Variants in LRP1B observed in about 807,000 individuals in gnomAD.
LRP1B encodes LDL receptor related protein 1B.
LRP1B carries 217 observed loss-of-function variants against 556.6 expected under a neutral mutation model. That is an observed-to-expected ratio of 0.39 (90% CI 0.35 to 0.44). The LOEUF (loss-of-function observed/expected upper bound fraction) is 0.44, where lower values mean the gene tolerates loss of function less well. Among genes scored for constraint, LRP1B ranks in the 20% least tolerant of loss-of-function variants. The pLI, the probability that LRP1B is intolerant of heterozygous loss-of-function variation, is 1.00. For synonymous variants in LRP1B, 2,047 were observed against 1,865.8 expected (o/e 1.10, Z -2.50); for missense variants, 5,053 against 5,620.8 (o/e 0.90, Z 3.23).
chr2:140,634,468 C>T (rs1453474379), intron 41 of LRP1B, among the ~76,000 whole-genome samples: 3 of 152,064 alleles, frequency 2.0e-5, no homozygotes, highest in Non-Finnish European at 4.4e-5. Context: ...CTCAGGGAGA[C>T]GAAGCATAAC....
chr2:140,787,558 ATTTTTTT>A (rs756825067), intron 32 of LRP1B, among the ~76,000 whole-genome samples: 17 of 44,660 alleles, frequency 3.8e-4, no homozygotes, highest in Admixed American at 1.3e-3. Context: ...AAAACAGAAG[ATTTTTTT>A]TTTTTTTTTT....
chr2:142,100,046 A>C (rs568607222), intron 1 of LRP1B, among the ~76,000 whole-genome samples: 15 of 152,094 alleles, frequency 9.9e-5, no homozygotes, highest in African/African-American at 3.6e-4. Flanking sequence ...CAAACAATGC[A>C]AATGTTGCCA....
chr2:141,922,844 A>T (rs1292455713), intron 1 of LRP1B, among the ~76,000 whole-genome samples: 2 of 152,144 alleles, frequency 1.3e-5, no homozygotes, highest in African/African-American at 4.8e-5. Flanking sequence ...TCCTGCCTGT[A>T]ATTTCAGCCC....
At chr2:141,554,007 A>G (rs1031246594) in intron 2 of LRP1B, among the ~76,000 whole-genome samples, 4 of 140,560 alleles carry the variant, frequency 2.8e-5, no homozygotes, top group East Asian at 2.1e-4. Flanking sequence ...ATATATATCT[A>G]TATTAATAGA....
intron 41 of LRP1B, among the ~76,000 whole-genome samples, chr2:140,671,847 A>G (rs902896286): frequency 1.3e-5 from 2 of 152,186 alleles, no homozygotes; most frequent in African/African-American, 4.8e-5. Context: ...GGGAGCCATC[A>G]TTTGAACTAA....
intron 1 of LRP1B, among the ~76,000 whole-genome samples, chr2:141,827,935 G>A (rs1696991580): frequency 1.3e-5 from 2 of 151,854 alleles, no homozygotes; most frequent in African/African-American, 2.4e-5. Context: ...ATGCCACACA[G>A]AAGAAATTCT....
intron 7 of LRP1B, among the ~76,000 whole-genome samples, chr2:141,154,732 A>G (rs1702023102): frequency 6.6e-6 from 1 of 151,870 alleles, no homozygotes; most frequent in African/African-American, 2.4e-5. Context: ...CTAATTCTGA[A>G]TTTTCACTAA....
intron 86 of LRP1B, among the ~76,000 whole-genome samples, chr2:140,257,041 TATG>T (rs1446334634): frequency 5.3e-5 from 8 of 152,080 alleles, no homozygotes; most frequent in Non-Finnish European, 8.8e-5. Context: ...ACCATCCTAA[TATG>T]ATGATAATAT....
chr2:140,233,792 C>G (rs1680575147), intron 90 of LRP1B, among the ~76,000 whole-genome samples: 1 of 151,180 alleles, frequency 6.6e-6, no homozygotes, highest in Non-Finnish European at 1.5e-5. Flanking sequence ...AACAAGTAAA[C>G]AAAAATGTAA....
chr2:140,520,752 C>T (rs1244435494), intron 49 of LRP1B, among the ~76,000 whole-genome samples: 2 of 122,236 alleles, frequency 1.6e-5, no homozygotes, highest in Non-Finnish European at 3.4e-5. Flanking sequence ...AGCAAGAATA[C>T]TCAACAAAAC....
intron 7 of LRP1B, among the ~76,000 whole-genome samples, chr2:141,091,250 C>G (rs187313858): frequency 9.2e-5 from 14 of 152,130 alleles, no homozygotes; most frequent in African/African-American, 2.7e-4. Flanking sequence ...TGAATGAAAA[C>G]AGAGAGCTAT....
intron 3 of LRP1B, among the ~76,000 whole-genome samples, chr2:141,376,668 T>C (rs148021367): frequency 0.014 from 2,110 of 152,230 alleles, 53 homozygotes; most frequent in African/African-American, 0.048. Context: ...AAGTCCAACA[T>C]AGAAAATTTA....
chr2:141,345,528 C>T (rs1056702577), intron 3 of LRP1B, among the ~76,000 whole-genome samples: 32 of 151,946 alleles, frequency 2.1e-4, no homozygotes, highest in Non-Finnish European at 3.8e-4. Context: ...TTGGTCTATA[C>T]ATCTAGGCTA....
chr2:142,046,007 T>C (rs1362726294), intron 1 of LRP1B, among the ~76,000 whole-genome samples: 1 of 151,896 alleles, frequency 6.6e-6, no homozygotes, highest in Non-Finnish European at 1.5e-5. Context: ...ATAGAATGAT[T>C]TGCATGAATT....
chr2:141,301,602 G>A (rs1182100014), intron 3 of LRP1B, among the ~76,000 whole-genome samples: 1 of 152,104 alleles, frequency 6.6e-6, no homozygotes, highest in African/African-American at 2.4e-5. Flanking sequence ...AAATAGAAAA[G>A]CTGAGACCTA....
intron 7 of LRP1B, among the ~76,000 whole-genome samples, chr2:141,174,145 C>T (rs1051316300): frequency 6.6e-6 from 1 of 151,912 alleles, no homozygotes; most frequent in Non-Finnish European, 1.5e-5. Context: ...ATCTGGAAAA[C>T]AAGATATTCT....
chr2:142,085,740 C>A (rs946437716), intron 1 of LRP1B, among the ~76,000 whole-genome samples: 8 of 152,168 alleles, frequency 5.3e-5, no homozygotes, highest in African/African-American at 1.7e-4. Flanking sequence ...TTTAACTGAA[C>A]TTTCATAACT....
chr2:141,456,493 A>T (rs927994395), intron 3 of LRP1B, among the ~76,000 whole-genome samples: 9 of 152,212 alleles, frequency 5.9e-5, no homozygotes, highest in Non-Finnish European at 2.9e-5. Flanking sequence ...AACTATGAAC[A>T]TCTTGAGATT....
intron 2 of LRP1B, among the ~76,000 whole-genome samples, chr2:141,492,343 T>C (rs1274859623): frequency 1.3e-5 from 2 of 152,108 alleles, no homozygotes; most frequent in Admixed American, 1.3e-4. Context: ...TTAAATTATA[T>C]GTACTGGCCT....
Sources: allele counts gnomAD v4.1 joint callset (sites outside exome capture counted in the v4.1 genomes callset), GRCh38; gene constraint gnomAD v4.1.1; transcripts MANE v1.5; gene names NCBI Gene and HGNC (gene_info 2026-07-23, HGNC 2026-07-21).